The following NOX4 variants were observed in gnomAD, a reference collection of about 807,000 sequenced individuals.
NOX4 encodes kidney oxidase-1.
NOX4 carries 69 observed loss-of-function variants against 87.6 expected under a neutral mutation model. The observed-to-expected ratio is 0.79, with a 90% CI of 0.65 to 0.96. The LOEUF (loss-of-function observed/expected upper bound fraction) is 0.96. Among genes scored for constraint, NOX4 ranks in the 40% least tolerant of loss-of-function variants. NOX4 has a pLI of 0.00. For missense variants in NOX4, 680 were observed against 681.5 expected, an observed-to-expected ratio of 1.00 and a Z score of 0.02; for synonymous variants, 275 against 238.2, an observed-to-expected ratio of 1.15 and a Z score of -1.42.
intron 11 of NOX4, among the ~76,000 whole-genome samples, chr11:89,378,516 C>G (rs949860419): frequency 6.6e-6 from 1 of 152,030 alleles, no homozygotes; most frequent in Non-Finnish European, 1.5e-5. Context: ...TATTAATAAA[C>G]TGTAAATGTC....
chr11:89,459,738 G>T (rs1316535366), intron 2 of NOX4, among the ~76,000 whole-genome samples: 1 of 152,064 alleles, frequency 6.6e-6, no homozygotes, highest in Non-Finnish European at 1.5e-5. Flanking sequence ...TACTGCCCAA[G>T]GTAATTTACA....
chr11:89,520,078 C>A, the NOX4 span, among the ~76,000 whole-genome samples: 4 of 151,898 alleles, frequency 2.6e-5, no homozygotes, highest in Non-Finnish European at 2.9e-5. Flanking sequence ...CCATTATGAT[C>A]AGGGAGCAAA....
intron 2 of NOX4, among the ~76,000 whole-genome samples, chr11:89,455,530 C>T (rs1945153716): frequency 6.6e-6 from 1 of 151,984 alleles, no homozygotes; most frequent in African/African-American, 2.4e-5. Context: ...ACACAGGTAC[C>T]ATGCTCTGAT....
intron 2 of NOX4, among the ~76,000 whole-genome samples, chr11:89,486,066 A>AT (rs925887490): frequency 6.6e-6 from 1 of 151,602 alleles, no homozygotes; most frequent in African/African-American, 2.4e-5. Context: ...TTAAGATCTT[A>AT]TTTTTTCTAT....
chr11:89,384,024 T>TA (rs1349449957), intron 11 of NOX4, among the ~76,000 whole-genome samples: 1 of 152,172 alleles, frequency 6.6e-6, no homozygotes, highest in Non-Finnish European at 1.5e-5. Context: ...ACTCGCCTGT[T>TA]ACAGCATGGC....
At chr11:89,532,948 T>C in the NOX4 span, among the ~76,000 whole-genome samples, 1 of 152,196 alleles carries the variant, frequency 6.6e-6, no homozygotes, top group Non-Finnish European at 1.5e-5. Context: ...ACTTCTGCCA[T>C]GATTTCAAGT....
intron 11 of NOX4, among the ~76,000 whole-genome samples, chr11:89,375,631 T>A (rs1364798717): frequency 2.0e-5 from 3 of 152,182 alleles, no homozygotes; most frequent in Admixed American, 2.0e-4. Context: ...TTAATAACTC[T>A]GAAAGCAAAC....
At chr11:89,331,211 G>A (rs1565166346) in intron 17 of NOX4, among the ~76,000 whole-genome samples, 1 of 151,258 alleles carries the variant, frequency 6.6e-6, no homozygotes, top group Non-Finnish European at 1.5e-5. Flanking sequence ...CCTCATTTTT[G>A]GAAATTAGAC....
intron 2 of NOX4, among the ~76,000 whole-genome samples, chr11:89,472,913 C>T (rs920924504): frequency 1.3e-5 from 2 of 152,172 alleles, no homozygotes; most frequent in African/African-American, 2.4e-5. Context: ...TCTACCAAGG[C>T]CACTTGTCTC....
intron 4 of NOX4, among the ~76,000 whole-genome samples, chr11:89,445,843 C>T (rs1273311222): frequency 6.6e-6 from 1 of 151,946 alleles, no homozygotes; most frequent in Non-Finnish European, 1.5e-5. Context: ...AGACATGATC[C>T]ATGAAAGAAA....
the NOX4 span, among the ~76,000 whole-genome samples, chr11:89,538,068 T>C: frequency 2.6e-5 from 4 of 152,218 alleles, no homozygotes; most frequent in African/African-American, 9.6e-5. Context: ...ATTTTTCTGG[T>C]GTCTTGTTTT....
chr11:89,555,871 G>C, the NOX4 span, among the ~76,000 whole-genome samples: 1 of 152,162 alleles, frequency 6.6e-6, no homozygotes, highest in Non-Finnish European at 1.5e-5. Context: ...TACAGGAACT[G>C]TTCTGGCACT....
At chr11:89,336,514 T>C (rs144346855) in intron 16 of NOX4, among the ~76,000 whole-genome samples, 385 of 152,002 alleles carry the variant, frequency 2.5e-3, no homozygotes, top group African/African-American at 9.0e-3. Context: ...AACTCCAAAA[T>C]TGGGTCTATC....
At chr11:89,453,419 T>A (rs1332536291) in intron 2 of NOX4, among the ~76,000 whole-genome samples, 1 of 152,214 alleles carries the variant, frequency 6.6e-6, no homozygotes, top group African/African-American at 2.4e-5. Context: ...ATTCATATAT[T>A]TGACTCTGTC....
chr11:89,416,648 C>T (rs1369156019), intron 8 of NOX4, among the ~76,000 whole-genome samples: 4 of 152,108 alleles, frequency 2.6e-5, no homozygotes, highest in Admixed American at 6.6e-5. Context: ...CTGTGATGCT[C>T]CCTGTTAAAC....
chr11:89,361,893 G>A (rs936574349), intron 12 of NOX4, among the ~76,000 whole-genome samples: 12 of 152,006 alleles, frequency 7.9e-5, no homozygotes, highest in Admixed American at 7.2e-4. Flanking sequence ...CAGTTGGCAG[G>A]CAATCTCCAT....
intron 8 of NOX4, among the ~76,000 whole-genome samples, chr11:89,406,493 C>T (rs369141302): frequency 1.0e-3 from 158 of 152,186 alleles, no homozygotes; most frequent in South Asian, 6.4e-3. Context: ...TGCCCCACAC[C>T]GCCACTGTGA....
chr11:89,443,065 A>G (rs1327667268), intron 5 of NOX4, among the ~76,000 whole-genome samples: 3 of 152,154 alleles, frequency 2.0e-5, no homozygotes, highest in Admixed American at 2.0e-4. Context: ...AGTGGTTCTC[A>G]GTGCTGGATG....
In NOX4 at chr11:89,429,210, G is replaced by A. The variant is rs190105371; in HGVS notation, c.548+3574C>T. On this transcript the variant is annotated intron_variant, in intron 7 of 17. Coordinates refer to ENST00000263317, the MANE Select transcript of NOX4 (RefSeq NM_016931.5). Reference sequence around the variant, plus strand: ...GAATCTCTGGGACACATTTAAAGCAGTGTGTAGAGGAAAATTTATAGCACT... The same window carrying A: ...GAATCTCTGGGACACATTTAAAGCAATGTGTAGAGGAAAATTTATAGCACT... Among the ~76,000 whole-genome samples, 3 of 152,312 alleles carry A rather than the reference G, an allele frequency of 2.0e-5. No individual in the cohort carries two copies. The East Asian group carries it at 5.8e-4, about 29-fold the overall frequency.
Sources: allele counts gnomAD v4.1 joint callset (sites outside exome capture counted in the v4.1 genomes callset), GRCh38; gene constraint gnomAD v4.1.1; transcripts MANE v1.5; gene names NCBI Gene and HGNC (gene_info 2026-07-23, HGNC 2026-07-21).